RNASET2: variants seen among roughly 807,000 people sequenced by gnomAD.
The protein encoded by RNASET2 is ribonuclease T2.
RNASET2 carries 28 observed loss-of-function variants against 33.9 expected under a neutral mutation model. The ratio of observed to expected loss-of-function variants is 0.83; its 90% CI spans 0.61 to 1.13. The LOEUF (loss-of-function observed/expected upper bound fraction) is 1.13, where lower values mean the gene tolerates loss of function less well. Among genes scored for constraint, RNASET2 ranks in the 50% most tolerant of loss-of-function variants. RNASET2 has a pLI of 0.00. For synonymous variants in RNASET2, 123 were observed against 121.0 expected, an observed-to-expected ratio of 1.02 and a Z score of -0.11; for missense variants, 330 against 319.9, an observed-to-expected ratio of 1.03 and a Z score of -0.24.
chr6:166,956,252 A>G lies in RNASET2; in HGVS notation c.-70T>C. The G allele has an allele frequency of 1.4e-6, 2 of 1,389,384 alleles. No individual in the cohort carries two copies. Among genetic ancestry groups the G allele is most frequent in the African/African-American group, 1.4e-5 (1 of 69,836 alleles). 86.1% of individuals were successfully genotyped at this position (1,389,384 alleles called of 1,614,324 possible). A position where few individuals can be genotyped will look rare whatever the true frequency, so the allele number is the denominator to read the frequency against. ...CCCACTTCCCACCTGCTGCCCGAGGAAGACTTCCGGGAGAAACGCTGTCTC... is the reference window on the plus strand; with the variant it reads ...CCCACTTCCCACCTGCTGCCCGAGGGAGACTTCCGGGAGAAACGCTGTCTC... On this transcript the variant is annotated 5_prime_UTR_variant, in exon 1 of 9. Transcript: ENST00000508775.
chr6:166,950,225 G>T (rs542894212), intron 2 of RNASET2, among the ~76,000 whole-genome samples: 14 of 140,032 alleles, frequency 1.0e-4, no homozygotes, highest in Admixed American at 6.2e-4. Flanking sequence ...TCCTTCTTCC[G>T]TAGGAACCAA....
intron 1 of RNASET2, 138 bp from the exon 2 acceptor site, chr6:166,952,686 G>T: frequency 1.4e-6 from 1 of 723,882 alleles, no homozygotes. Flanking sequence ...CCCTGCTGCT[G>T]CACACACTCC....
chr6:166,938,661 T>G lies in RNASET2; in HGVS notation c.446+234A>C, dbSNP rs1403435020. 3 of 748,460 alleles carry G rather than the reference T, an allele frequency of 4.0e-6. No homozygotes were observed. The East Asian group carries it at 7.8e-5, about 19-fold the overall frequency. 46.4% of individuals were successfully genotyped at this position (748,460 alleles called of 1,614,324 possible). A position where few individuals can be genotyped will look rare whatever the true frequency, so the allele number is the denominator to read the frequency against. The stretch of plus-strand genomic sequence containing the variant: ...CTCTGATGATGAGATGGTGCCCAGA[T>G]GGGCATCCCAATACTCTGCACCCAC... On this transcript the variant is annotated intron_variant, in intron 6 of 8. Coordinates refer to ENST00000508775, the MANE Select transcript of RNASET2 (RefSeq NM_003730.6).
At chr6:166,938,652 G>A in intron 6 of RNASET2, 1 of 740,488 alleles carries the variant, frequency 1.4e-6, no homozygotes, top group Non-Finnish European at 2.5e-6. Flanking sequence ...TGATGAGATG[G>A]TGCCCAGATG....
intron 2 of RNASET2, among the ~76,000 whole-genome samples, chr6:166,949,008 A>C (rs1373946782): frequency 1.3e-5 from 2 of 152,138 alleles, no homozygotes; most frequent in East Asian, 3.8e-4. Flanking sequence ...TGAGGTCAGG[A>C]GTTCCAGACC....
intron 2 of RNASET2, among the ~76,000 whole-genome samples, chr6:166,950,210 C>T (rs992214849): frequency 2.0e-5 from 3 of 151,298 alleles, no homozygotes; most frequent in African/African-American, 4.9e-5. Flanking sequence ...GCTCCTCCTC[C>T]ACGGTCCTTC....
intron 4 of RNASET2, among the ~76,000 whole-genome samples, chr6:166,946,469 C>T (rs1160885852): frequency 6.6e-6 from 1 of 152,158 alleles, no homozygotes; most frequent in Non-Finnish European, 1.5e-5. Flanking sequence ...GGCTTGGGCA[C>T]AGGGCAGGGG....
intron 5 of RNASET2, among the ~76,000 whole-genome samples, chr6:166,942,105 T>G (rs1001550903): frequency 7.3e-6 from 1 of 136,064 alleles, no homozygotes; most frequent in Non-Finnish European, 1.5e-5. Flanking sequence ...CGGGCTGGAG[T>G]ACAGTGGTGC....
chr6:166,939,315 A>G (rs1467277424), intron 5 of RNASET2, among the ~76,000 whole-genome samples: 1 of 152,206 alleles, frequency 6.6e-6, no homozygotes, highest in African/African-American at 2.4e-5. Context: ...CCTGGGCAAG[A>G]GACAAACTCC....
rs1265553420 is a variant in RNASET2, at chr6:166,952,413, G to C, written c.147+75C>G. The C allele has an allele frequency of 3.1e-6, 4 of 1,305,214 alleles. No homozygotes were observed. In the African/African-American group the frequency reaches 4.4e-5, roughly 14 times the overall value. 80.9% of individuals were successfully genotyped at this position (1,305,214 alleles called of 1,614,324 possible). On this transcript the variant is annotated intron_variant, in intron 2 of 8. Coordinates refer to ENST00000508775, the MANE Select transcript of RNASET2 (RefSeq NM_003730.6). ...CCGCACCAGCAGCGTGGGTGCCCTG[G>C]ACGGGCACGTGCACACAAACCCCTC...
intron 1 of RNASET2, chr6:166,955,407 ACGCG>A: frequency 1.5e-6 from 1 of 665,344 alleles, no homozygotes; most frequent in Non-Finnish European, 1.8e-6. Flanking sequence ...GCACACACAC[ACGCG>A]CACACACACA....
intron 5 of RNASET2, among the ~76,000 whole-genome samples, chr6:166,940,110 G>A (rs1178863784): frequency 6.6e-6 from 1 of 152,218 alleles, no homozygotes; most frequent in Non-Finnish European, 1.5e-5. Context: ...ATCAACTGCT[G>A]ACGAGATTGA....
chr6:166,932,573 C>A (rs1211239850), intron 7 of RNASET2: 1 of 152,242 alleles, frequency 6.6e-6, no homozygotes, highest in Non-Finnish European at 1.5e-5. Context: ...CTCCCGCAGC[C>A]CTGATTTCCC....
At position 166,929,758 on chromosome 6, in the gene RNASET2, G is replaced by C. The variant is rs776087270; in HGVS notation, c.601C>G (p.Leu201Val). 50 of 1,614,018 alleles carry C rather than the reference G, an allele frequency of 3.1e-5. No homozygotes were observed. The highest frequency in any genetic ancestry group is 3.6e-5 in the Non-Finnish European group (43 of 1,180,034). ...EEVQTIGQIE[L>V]CLTKQDQQLQ... is the part of the protein sequence containing the mutation. ...TGCTGGTCTTGCTTAGTGAGGCACA[G>C]TTCTATCTGACCAATTGTCTGTACT... Residue 201 changes from leucine to valine, a missense_variant, in exon 9 of 9, where the codon CTG becomes GTG. Transcript: ENST00000508775.
intron 6 of RNASET2, among the ~76,000 whole-genome samples, chr6:166,938,274 G>T (rs902780370): frequency 6.6e-6 from 1 of 152,110 alleles, no homozygotes; most frequent in Admixed American, 6.5e-5. Flanking sequence ...AGAGGTAAGG[G>T]CACACCCTGG....
rs1415979757 is a variant in RNASET2 at position 166,933,978 on chromosome 6, G to A, written c.492+113C>T. The A allele has an allele frequency of 3.7e-6, 3 of 801,854 alleles. No homozygotes were observed. Among genetic ancestry groups the A allele is most frequent in the African/African-American group, 1.7e-5 (1 of 59,400 alleles). The allele number at this position is 801,854 out of a possible 1,614,324, so 49.7% of individuals were successfully genotyped here. On this transcript the variant is annotated intron_variant, in intron 7 of 8. Coordinates refer to ENST00000508775, the MANE Select transcript of RNASET2 (RefSeq NM_003730.6). The surrounding 1 kb of genome is among the most constrained non-coding windows in gnomAD (Gnocchi z 4.1). ...CTGTTCACATGATAACATTTAAGTA[G>A]GAAGGGGGTTTGCACTGGGGCAATT...
intron 6 of RNASET2, 134 bp from the exon 7 acceptor site, chr6:166,934,270 C>G (rs1778514947): frequency 1.4e-6 from 1 of 696,540 alleles, no homozygotes; most frequent in South Asian, 1.6e-5. Flanking sequence ...CTTTATGCAA[C>G]AAATGTGTCA....
rs552362081 is a variant in RNASET2, at chr6:166,928,979, G to A, written c.*609C>T. On this transcript the variant is annotated 3_prime_UTR_variant, in exon 9 of 9. Coordinates refer to ENST00000508775, the MANE Select transcript of RNASET2 (RefSeq NM_003730.6). ...GAAGAGACTGCTCTGACGGAGACAG[G>A]AGATGGCTGCTCTGTGAATACACCC... Among the ~76,000 whole-genome samples the A allele has an allele frequency of 5.6e-4, 86 of 152,374 alleles. No homozygotes were observed. Among genetic ancestry groups the A allele is most frequent in the African/African-American group, 2.0e-3 (83 of 41,584 alleles).
At chr6:166,946,533 A>G (rs938404883) in intron 4 of RNASET2, 149 bp downstream of exon 4, 14 of 675,384 alleles carry the variant, frequency 2.1e-5, no homozygotes, top group Non-Finnish European at 3.5e-5. Context: ...CGAGATAACA[A>G]TACTTACTAA....
Sources: allele counts gnomAD v4.1 joint callset (sites outside exome capture counted in the v4.1 genomes callset), GRCh38; gene constraint gnomAD v4.1.1; non-coding constraint Gnocchi (gnomAD v3.1); transcripts MANE v1.5; gene names NCBI Gene and HGNC (gene_info 2026-07-23, HGNC 2026-07-21).